Variants in DNASE1 observed in about 807,000 individuals in gnomAD.
DNASE1 encodes deoxyribonuclease 1.
A neutral mutation model predicts 33.9 loss-of-function variants in DNASE1; 40 were observed. The observed-to-expected ratio is 1.18, with a 90% confidence interval of 0.92 to 1.54. The LOEUF is 1.54. Ranked by LOEUF, DNASE1 falls within the 40% of genes most tolerant of loss-of-function variation. The pLI is 0.00. For missense variants in DNASE1, 518 were observed against 372.6 expected, an observed-to-expected ratio of 1.39 and a Z score of -3.21; for synonymous variants, 216 against 160.0, an observed-to-expected ratio of 1.35 and a Z score of -2.64.
intron 1 of DNASE1, among the ~76,000 whole-genome samples, chr16:3,649,492 G>T (rs1163991466): frequency 6.6e-6 from 1 of 152,182 alleles, no homozygotes; most frequent in African/African-American, 2.4e-5. Context: ...CTTTTCAGTA[G>T]CAATTTGTAG....
At chr16:3,620,565 A>G (rs943759111) in intron 1 of DNASE1, among the ~76,000 whole-genome samples, 1 of 151,980 alleles carries the variant, frequency 6.6e-6, no homozygotes, top group Non-Finnish European at 1.5e-5. Context: ...CATCATGAGC[A>G]TTTCTCTAAG....
chr16:3,655,496 C>A lies in DNASE1; in HGVS notation c.123C>A (p.Ala41=), dbSNP rs1469608963. Residue 41 remains alanine, a synonymous_variant, in exon 2 of 9, where the codon GCC becomes GCA. Coordinates refer to ENST00000246949, the MANE Select transcript of DNASE1 (RefSeq NM_005223.4). ...QTFGETKMSN[A]TLVSYIVQIL... ...TTGGGGAGACCAAGATGTCCAATGC[C>A]ACCCTCGTCAGCTACATTGTGCAGG... 1 of 1,614,050 alleles carries A rather than the reference C, an allele frequency of 6.2e-7. No homozygotes were observed. The highest frequency in any genetic ancestry group is 1.3e-5 in the African/African-American group (1 of 74,942).
At chr16:3,619,480 G>T (rs926590988) in intron 1 of DNASE1, among the ~76,000 whole-genome samples, 21 of 151,926 alleles carry the variant, frequency 1.4e-4, no homozygotes, top group African/African-American at 4.8e-4. Context: ...TCCTGCCTCA[G>T]CCTCCCGAGT....
chr16:3,625,150 A>G (rs2041465980), intron 1 of DNASE1, among the ~76,000 whole-genome samples: 2 of 152,130 alleles, frequency 1.3e-5, no homozygotes, highest in Admixed American at 6.6e-5. Flanking sequence ...CTACTAAAAT[A>G]CAAAAGTTAG....
chr16:3,657,608 A>ACCCACAGACCTG (rs927724861), intron 7 of DNASE1, 112 bp from the exon 8 acceptor site: 4 of 1,457,802 alleles, frequency 2.7e-6, no homozygotes, highest in Non-Finnish European at 3.8e-6. Context: ...AGTTTTGGGC[A>ACCCACAGACCTG]CCCACAGACC....
chr16:3,634,385 T>A (rs1945456277), intron 1 of DNASE1, among the ~76,000 whole-genome samples: 1 of 151,712 alleles, frequency 6.6e-6, no homozygotes, highest in Non-Finnish European at 1.5e-5. Context: ...CCCGCCACCA[T>A]GCCCGGCTCA....
intron 1 of DNASE1, among the ~76,000 whole-genome samples, chr16:3,617,326 C>CA (rs56670885): frequency 0.035 from 2,029 of 57,484 alleles, 338 homozygotes; most frequent in Non-Finnish European, 0.054. Context: ...AACTCCATCT[C>CA]AAAAAAAAAA....
rs575778547 is a variant in DNASE1, at chr16:3,629,099, G to A, written c.-1358-11616G>A. Among the ~76,000 whole-genome samples the A allele has an allele frequency of 3.4e-5, 5 of 149,024 alleles. No homozygotes were observed. The South Asian group carries it at 6.4e-4, about 19-fold the overall frequency. On this transcript the variant is annotated intron_variant and NMD_transcript_variant, in intron 1 of 11. Transcript: ENST00000570769. ...AGGCAGAAGAATTGCTTAAACCCTG[G>A]AGGCGGAGGTTGCAGTGAGCCGAGA...
At chr16:3,620,073 G>A (rs1323996229) in intron 1 of DNASE1, among the ~76,000 whole-genome samples, 4 of 151,982 alleles carry the variant, frequency 2.6e-5, no homozygotes, top group South Asian at 2.1e-4. Context: ...GCGCCATCAC[G>A]CCTGGCCAAT....
chr16:3,640,870 A>T (rs1403523458), upstream of DNASE1: 3 of 398,324 alleles, frequency 7.5e-6, no homozygotes, highest in Admixed American at 4.4e-5. Flanking sequence ...GCACCTCCTC[A>T]TGGGCTCAAG....
intron 1 of DNASE1, among the ~76,000 whole-genome samples, chr16:3,648,749 C>A (rs1005879649): frequency 1.3e-5 from 2 of 152,198 alleles, no homozygotes; most frequent in African/African-American, 4.8e-5. Flanking sequence ...CAGTGTTCTG[C>A]TTTCCCTGAT....
Position 3,663,679 on chromosome 16 carries a change from G to A in DNASE1, c.*5726G>A, listed in dbSNP as rs576073204. The stretch of plus-strand genomic sequence containing the variant: ...CAAGCGGGCCACACTGGGGAACACC[G>A]GGGCAGTTGGGGTTCCTAGGCCTGC... On this transcript the variant is annotated 3_prime_UTR_variant, in exon 10 of 10. Coordinates refer to the DNASE1 transcript ENST00000407479. 263 of 1,300,744 alleles carry A rather than the reference G, an allele frequency of 2.0e-4. 5 individuals are homozygous for A. The South Asian group carries it at 3.3e-3, about 17-fold the overall frequency. The allele number at this position is 1,300,744 out of a possible 1,614,324, so 80.6% of individuals were successfully genotyped here. A position where few individuals can be genotyped will look rare whatever the true frequency, so the allele number is the denominator to read the frequency against.
chr16:3,619,603 T>C (rs1217044919), intron 1 of DNASE1, among the ~76,000 whole-genome samples: 5 of 151,828 alleles, frequency 3.3e-5, no homozygotes, highest in East Asian at 1.9e-4. Context: ...CCTTGTGATC[T>C]GCCCACCTCG....
intron 1 of DNASE1, among the ~76,000 whole-genome samples, chr16:3,615,954 G>A (rs1327307984): frequency 6.6e-6 from 1 of 152,196 alleles, no homozygotes; most frequent in African/African-American, 2.4e-5. Flanking sequence ...TATCTTGACA[G>A]GGGTTGGGGA....
downstream of DNASE1, chr16:3,662,010 C>T: frequency 6.2e-7 from 1 of 1,610,930 alleles, no homozygotes; most frequent in South Asian, 1.1e-5. Context: ...CCAGCGTGGG[C>T]TGCAGGAGCT....
At chr16:3,636,774 C>G (rs912955880) in intron 1 of DNASE1, among the ~76,000 whole-genome samples, 1 of 150,186 alleles carries the variant, frequency 6.7e-6, no homozygotes, top group African/African-American at 2.5e-5. Flanking sequence ...GAGCCAAGAT[C>G]ATGCCACAGT....
intron 1 of DNASE1, among the ~76,000 whole-genome samples, chr16:3,621,295 C>T (rs1018878728): frequency 6.6e-6 from 1 of 152,138 alleles, no homozygotes; most frequent in African/African-American, 2.4e-5. Context: ...CTATCTTGCC[C>T]AGGCTGATCT....
upstream of DNASE1, chr16:3,654,159 G>C: frequency 5.1e-6 from 2 of 392,730 alleles, no homozygotes; most frequent in South Asian, 1.4e-4. Flanking sequence ...TACTGGACCT[G>C]AGGCCTGGCC....
At chr16:3,659,854 G>A (rs1294861946), downstream of DNASE1, 1 of 151,986 alleles carries the variant, frequency 6.6e-6, no homozygotes, top group Non-Finnish European at 1.5e-5. Flanking sequence ...GTTTCAAGAG[G>A]TTCTCTTGCC....
Sources: allele counts gnomAD v4.1 joint callset (sites outside exome capture counted in the v4.1 genomes callset), GRCh38; gene constraint gnomAD v4.1.1; transcripts MANE v1.5; gene names NCBI Gene and HGNC (gene_info 2026-07-23, HGNC 2026-07-21).